The following RP1 variants were observed in gnomAD, a reference collection of about 807,000 sequenced individuals.
The protein encoded by RP1 is oxygen-regulated protein 1.
A neutral mutation model predicts 14.8 loss-of-function variants in RP1; 16 were observed. The ratio of observed to expected loss-of-function variants is 1.08; its 90% CI spans 0.73 to 1.65. The LOEUF (loss-of-function observed/expected upper bound fraction) is 1.65, where lower values mean the gene tolerates loss of function less well. Ranked by LOEUF, RP1 falls within the 40% of genes most tolerant of loss-of-function variation. The probability of loss-of-function intolerance (pLI) is 0.00; values close to 1 mark genes in which losing one functional copy is unlikely to be tolerated. For missense variants in RP1, 2,631 were observed against 2,535.0 expected (o/e 1.04, Z -0.81); for synonymous variants, 876 against 883.6 (o/e 0.99, Z 0.15).
chr8:54,564,847 T>A (rs1290044830), intron 1 of RP1, among the ~76,000 whole-genome samples: 6 of 152,190 alleles, frequency 3.9e-5, no homozygotes, highest in Admixed American at 3.9e-4. Flanking sequence ...GCAAGGTTGT[T>A]GATTTCAGTA....
At chr8:54,805,335 T>G (rs1192298643) in intron 24 of RP1, among the ~76,000 whole-genome samples, 1 of 152,234 alleles carries the variant, frequency 6.6e-6, no homozygotes, top group East Asian at 1.9e-4. Context: ...ATGAAATGTG[T>G]ATATTATGGC....
chr8:54,755,662 T>C (rs1048235595), exon 21 of RP1: 45 of 1,535,926 alleles, frequency 2.9e-5, no homozygotes, highest in Non-Finnish European at 3.4e-5. Context: ...AGCTGAAGCA[T>C]GCAGAGACGG....
At chr8:54,781,655 T>C (rs1810193254) in intron 23 of RP1, among the ~76,000 whole-genome samples, 1 of 152,186 alleles carries the variant, frequency 6.6e-6, no homozygotes. Context: ...CTACAAGTGT[T>C]CTCAACTATT....
At chr8:54,652,652 CAT>C (rs1417369849) in intron 4 of RP1, 1 of 655,356 alleles carries the variant, frequency 1.5e-6, no homozygotes, top group Non-Finnish European at 2.7e-6. Flanking sequence ...TAGGTGTGCA[CAT>C]GTTTATAATT....
chr8:54,848,759 A>T (rs963682873), intron 25 of RP1, among the ~76,000 whole-genome samples: 2 of 152,064 alleles, frequency 1.3e-5, no homozygotes, highest in African/African-American at 2.4e-5. Context: ...ATTTCTTTTT[A>T]TTTTTTTGAG....
In RP1 at chr8:54,701,432, TA is replaced by T. The variant is rs939183418; in HGVS notation, c.1822-51del. ...GTATATGTATATAATGTGATTACAT[TA>T]AATTTTTTTTTTCTGTTACTAATTT... On this transcript the variant is annotated intron_variant, in intron 13 of 22. Coordinates refer to the RP1 transcript ENST00000636932. The T allele has an allele frequency of 4.3e-5, 62 of 1,455,084 alleles. No homozygotes were observed. The African/African-American group carries it at 6.9e-4, about 16-fold the overall frequency. 90.1% of individuals were successfully genotyped at this position (1,455,084 alleles called of 1,614,324 possible).
At chr8:54,607,044 CGTCAAA>C (rs1013597940) in intron 1 of RP1, among the ~76,000 whole-genome samples, 20 of 152,306 alleles carry the variant, frequency 1.3e-4, no homozygotes, top group Admixed American at 3.9e-4. Flanking sequence ...TCTCTCAACT[CGTCAAA>C]GTCATTCTCC....
Position 54,630,170 on chromosome 8 carries a change from C to T in RP1, c.6288C>T (p.Phe2096=). ...GAGAAAATATCAACTGTCATTACTT[C>T]TTTGAAATGCTTGGTCAAGCTTGCC... ...VVRENINCHY[F]FEMLGQACLL... The change falls in exon 4 of 4, where the codon TTC becomes TTT. Residue 2096 remains phenylalanine, a synonymous_variant. Transcript: ENST00000220676. 6.2e-7 allele frequency: 1 copy of T among 1,613,716 alleles called. No individual in the cohort carries two copies. Among genetic ancestry groups the T allele is most frequent in the Non-Finnish European group, 8.5e-7 (1 of 1,179,932 alleles).
chr8:54,821,500 C>A (rs1811255841), intron 24 of RP1, among the ~76,000 whole-genome samples: 1 of 152,188 alleles, frequency 6.6e-6, no homozygotes. Context: ...CTGCCTTACT[C>A]TACATAACAG....
At chr8:54,631,290 A>G (rs1018700647), downstream of RP1, among the ~76,000 whole-genome samples, 6 of 152,248 alleles carry the variant, frequency 3.9e-5, no homozygotes, top group African/African-American at 1.4e-4. Context: ...TTTTTAAAAA[A>G]ACATTAAGTG....
At chr8:54,764,859 A>G (rs997366328) in intron 22 of RP1, among the ~76,000 whole-genome samples, 6 of 152,164 alleles carry the variant, frequency 3.9e-5, no homozygotes, top group Non-Finnish European at 7.3e-5. Context: ...TTTAAGTGTT[A>G]ATGACAACAA....
chr8:54,583,315 T>C (rs1334923935), intron 1 of RP1, among the ~76,000 whole-genome samples: 1 of 152,220 alleles, frequency 6.6e-6, no homozygotes, highest in Non-Finnish European at 1.5e-5. Context: ...TTGATTTGTG[T>C]ATGTTGAACC....
chr8:54,586,772 G>T (rs756058196), intron 1 of RP1, among the ~76,000 whole-genome samples: 1 of 152,146 alleles, frequency 6.6e-6, no homozygotes, highest in Non-Finnish European at 1.5e-5. Flanking sequence ...GCATGGCTCC[G>T]TGGGCATAGG....
chr8:54,812,140 GTTTTC>G (rs747190805), intron 24 of RP1, among the ~76,000 whole-genome samples: 3 of 152,074 alleles, frequency 2.0e-5, no homozygotes, highest in Non-Finnish European at 4.4e-5. Context: ...TCAGATTTTT[GTTTTC>G]TTTTATTTAT....
intron 15 of RP1, among the ~76,000 whole-genome samples, chr8:54,711,720 C>T (rs1808296863): frequency 6.6e-6 from 1 of 152,010 alleles, no homozygotes; most frequent in African/African-American, 2.4e-5. Context: ...AAAAGATTTG[C>T]CAGGGATGGA....
At chr8:54,572,659 G>C (rs1341364260) in intron 1 of RP1, among the ~76,000 whole-genome samples, 11 of 152,196 alleles carry the variant, frequency 7.2e-5, no homozygotes, top group Non-Finnish European at 1.3e-4. Flanking sequence ...GTAGATATGA[G>C]GTGGTTCTTG....
chr8:54,703,036 G>A (rs2129343990), intron 14 of RP1, among the ~76,000 whole-genome samples: 1 of 152,182 alleles, frequency 6.6e-6, no homozygotes, highest in East Asian at 1.9e-4. Flanking sequence ...CCAAAGTCTT[G>A]AACCACTCAA....
intron 1 of RP1, among the ~76,000 whole-genome samples, chr8:54,567,262 G>A (rs1400756451): frequency 6.6e-6 from 1 of 152,174 alleles, no homozygotes; most frequent in Non-Finnish European, 1.5e-5. Flanking sequence ...AATGTGCACT[G>A]TTACCATCAG....
intron 19 of RP1, among the ~76,000 whole-genome samples, chr8:54,746,023 C>T (rs1376483848): frequency 6.6e-6 from 1 of 152,162 alleles, no homozygotes; most frequent in Non-Finnish European, 1.5e-5. Flanking sequence ...CAAAGGCTGC[C>T]TTTTGTGGAC....
Sources: gnomAD v4.1 joint callset for allele counts (sites outside exome capture counted in the v4.1 genomes callset) on GRCh38, gnomAD v4.1.1 for gene constraint, MANE v1.5 for transcripts, NCBI Gene and HGNC (gene_info 2026-07-23, HGNC 2026-07-21) for gene names.